NDP: variants seen among roughly 807,000 people sequenced by gnomAD.
NDP encodes the protein norrin cystine knot growth factor NDP.
In NDP, 2 loss-of-function variants were observed where a neutral mutation model predicts 8.4. The ratio of observed to expected loss-of-function variants is 0.24; its 90% CI spans 0.10 to 0.75. The LOEUF is 0.75. Among genes scored for constraint, NDP ranks in the 30% least tolerant of loss-of-function variants. The pLI is 0.73. For missense variants in NDP, 81 were observed against 110.1 expected (o/e 0.74, Z 1.18); for synonymous variants, 55 against 45.6 (o/e 1.21, Z -0.83).
At chrX:43,965,428 A>G (rs1359851269) in intron 1 of NDP, among the ~76,000 whole-genome samples, 1 of 110,943 alleles carries the variant, frequency 9.0e-6, no homozygotes, top group Non-Finnish European at 1.9e-5. Flanking sequence ...CAAAAAAACA[A>G]AAGTTAACAG....
intron 1 of NDP, among the ~76,000 whole-genome samples, chrX:43,962,110 T>C (rs2035829584): frequency 9.0e-6 from 1 of 111,728 alleles, no homozygotes; most frequent in Non-Finnish European, 1.9e-5. Flanking sequence ...AAGAAACAGA[T>C]TTTTCATTTC....
At chrX:43,963,303 C>G (rs766918235) in intron 1 of NDP, among the ~76,000 whole-genome samples, 1 of 108,076 alleles carries the variant, frequency 9.3e-6, no homozygotes, top group South Asian at 4.0e-4. Flanking sequence ...TTCTAGCTCA[C>G]TGACTCTGCA....
At chrX:43,954,887 C>A (rs1477874017) in intron 2 of NDP, among the ~76,000 whole-genome samples, 3 of 111,259 alleles carry the variant, frequency 2.7e-5, no homozygotes, top group African/African-American at 9.8e-5. Flanking sequence ...GGCCAGCATC[C>A]CCCACTCCTC....
At chrX:43,972,175 T>C (rs757018469) in intron 1 of NDP, among the ~76,000 whole-genome samples, 3 of 111,798 alleles carry the variant, frequency 2.7e-5, no homozygotes, top group Non-Finnish European at 5.6e-5. Flanking sequence ...GCCATATCTG[T>C]TATTAATGAG....
At chrX:43,951,932 G>T (rs1356288434) in intron 2 of NDP, among the ~76,000 whole-genome samples, 2 of 112,282 alleles carry the variant, frequency 1.8e-5, no homozygotes, top group Non-Finnish European at 3.8e-5. Context: ...TATCCTACCT[G>T]CTCTTCATTT....
At chrX:43,971,561 C>T (rs1016811972) in intron 1 of NDP, among the ~76,000 whole-genome samples, 3 of 111,464 alleles carry the variant, frequency 2.7e-5, no homozygotes, top group African/African-American at 9.8e-5. Context: ...GTTACCTGAA[C>T]CAAATGTATT....
chrX:43,970,963 A>G (rs553193100), intron 1 of NDP, among the ~76,000 whole-genome samples: 1 of 112,102 alleles, frequency 8.9e-6, no homozygotes, highest in Non-Finnish European at 1.9e-5. Context: ...GGATCTGGTG[A>G]AAAAGGCCAA....
At chrX:43,957,967 A>G (rs1349408340) in intron 2 of NDP, among the ~76,000 whole-genome samples, 1 of 109,555 alleles carries the variant, frequency 9.1e-6, no homozygotes, top group Non-Finnish European at 1.9e-5. Flanking sequence ...CAATGTAAAA[A>G]TGATAAATGA....
At chrX:43,966,333 G>T (rs1183443246) in intron 1 of NDP, among the ~76,000 whole-genome samples, 4 of 111,557 alleles carry the variant, frequency 3.6e-5, no homozygotes, top group African/African-American at 1.3e-4. Flanking sequence ...CATGGGAGAA[G>T]TAACAAAAGA....
In NDP at chrX:43,949,762, A is replaced by G; in HGVS notation, c.*37T>C. ...CCCTGGCTGGTCGAACTGCCTCTAC[A>G]GTTGTCCCATCCAGAAGCCACACAC... On this transcript the variant is annotated 3_prime_UTR_variant, in exon 3 of 3. Coordinates refer to ENST00000642620, the MANE Select transcript of NDP (RefSeq NM_000266.4). 1 of 1,138,534 alleles carries G rather than the reference A, an allele frequency of 8.8e-7. No homozygotes were observed. The highest frequency in any genetic ancestry group is 1.8e-5 in the African/African-American group (1 of 55,656). 93.8% of individuals were successfully genotyped at this position (1,138,534 alleles called of 1,213,427 possible).
intron 1 of NDP, among the ~76,000 whole-genome samples, chrX:43,960,625 G>A (rs974197948): frequency 9.8e-5 from 11 of 112,252 alleles, no homozygotes; most frequent in Admixed American, 5.6e-4. Context: ...AACTCAAAGA[G>A]CCAGAACTTT....
rs149708528 is a variant in NDP at position 43,958,635 on chromosome X, T to A, written c.11A>T (p.His4Leu). Residue 4 changes from histidine (H) to leucine (L), a missense_variant, in exon 2 of 3, where the codon CAT (histidine) becomes CTT (leucine). His to Leu is a moderately conservative substitution (Grantham distance 99). Coordinates refer to ENST00000642620, the MANE Select transcript of NDP (RefSeq NM_000266.4). MRK[H>L]VLAASFSMLS... is the part of the protein sequence containing the mutation. ...CATAGAAAAGGATGCAGCTAGTACA[T>A]GTTTTCTCATTGTTGTAAGGAAAAA... The A allele has an allele frequency of 1.5e-4, 182 of 1,209,799 alleles. No homozygotes were observed. Among genetic ancestry groups the A allele is most frequent in the Non-Finnish European group, 2.0e-4 (176 of 894,694 alleles).
intron 2 of NDP, among the ~76,000 whole-genome samples, chrX:43,950,902 C>T (rs2035757720): frequency 9.0e-6 from 1 of 111,451 alleles, no homozygotes; most frequent in Non-Finnish European, 1.9e-5. Context: ...TTGCATACAG[C>T]TTAACGGAAT....
intron 2 of NDP, among the ~76,000 whole-genome samples, chrX:43,955,355 C>T (rs906306576): frequency 1.8e-5 from 2 of 112,016 alleles, no homozygotes; most frequent in Middle Eastern, 9.3e-3. Flanking sequence ...ATACCCATAC[C>T]CTCAGGTAGA....
chrX:43,970,014 A>G (rs889151216), intron 1 of NDP, among the ~76,000 whole-genome samples: 2 of 112,098 alleles, frequency 1.8e-5, no homozygotes, highest in Non-Finnish European at 3.8e-5. Context: ...AAGAAGGGAA[A>G]TATATAGCCA....
At chrX:43,958,352 G>T in intron 2 of NDP, 120 bp downstream of exon 2, 1 of 872,723 alleles carries the variant, frequency 1.1e-6, no homozygotes, top group Non-Finnish European at 1.7e-6. Context: ...CAAGCCCTGT[G>T]GGCCAGCCAC....
chrX:43,952,789 T>C (rs1043036626), intron 2 of NDP, among the ~76,000 whole-genome samples: 1 of 111,827 alleles, frequency 8.9e-6, no homozygotes. Context: ...GTACAATAAA[T>C]GCCTTCAGTA....
chrX:43,960,165 A>G (rs186384076), intron 1 of NDP, among the ~76,000 whole-genome samples: 22 of 111,725 alleles, frequency 2.0e-4, no homozygotes, highest in Admixed American at 1.8e-3. Flanking sequence ...GCCTCAGGGA[A>G]GTCCTATAAA....
At chrX:43,972,931 G>A (rs950957570) in intron 1 of NDP, among the ~76,000 whole-genome samples, 1 of 112,775 alleles carries the variant, frequency 8.9e-6, no homozygotes, top group African/African-American at 3.2e-5. Context: ...GAGGGTGCTG[G>A]GGAAGATACT....
Sources: allele counts gnomAD v4.1 joint callset (sites outside exome capture counted in the v4.1 genomes callset), GRCh38; gene constraint gnomAD v4.1.1; transcripts MANE v1.5; gene names NCBI Gene and HGNC (gene_info 2026-07-23, HGNC 2026-07-21).